DIS3L2: variants seen among roughly 807,000 people sequenced by gnomAD.
DIS3L2 encodes DIS3 like 3'-5' exoribonuclease 2, also known as DIS3-like exonuclease 2.
DIS3L2 carries 34 observed loss-of-function variants against 97.5 expected under a neutral mutation model. The observed-to-expected ratio is 0.35, with a 90% CI of 0.27 to 0.46. The LOEUF (loss-of-function observed/expected upper bound fraction) is 0.46. Among genes scored for constraint, DIS3L2 ranks in the 20% least tolerant of loss-of-function variants. The pLI, the probability that DIS3L2 is intolerant of heterozygous loss-of-function variation, is 1.00. For synonymous variants in DIS3L2, 435 were observed against 445.2 expected, an observed-to-expected ratio of 0.98 and a Z score of 0.29; for missense variants, 1,038 against 1,146.0, an observed-to-expected ratio of 0.91 and a Z score of 1.36.
intron 9 of DIS3L2, among the ~76,000 whole-genome samples, chr2:232,164,129 A>G (rs780473271): frequency 3.3e-5 from 5 of 152,180 alleles, no homozygotes; most frequent in African/African-American, 7.2e-5. Context: ...TACAGTGCCT[A>G]TCTTCTCATT....
intron 13 of DIS3L2, among the ~76,000 whole-genome samples, chr2:232,284,052 A>C (rs1197919213): frequency 1.3e-5 from 2 of 152,198 alleles, no homozygotes; most frequent in African/African-American, 4.8e-5. Context: ...TCTCAGAATA[A>C]AAAGTGGGTT....
intron 9 of DIS3L2, among the ~76,000 whole-genome samples, chr2:232,171,817 C>T (rs1229461091): frequency 6.6e-6 from 1 of 152,148 alleles, no homozygotes; most frequent in Non-Finnish European, 1.5e-5. Flanking sequence ...GTATTTAGTA[C>T]TTCATCAGCC....
rs1427894233 is a variant in DIS3L2, at chr2:232,175,451, G to C, written c.1124+11819G>C. ...TAGGATCTTTGCTTCGTATTTTTAAGAGATTTCAGTCTTTAGTTTTCTTGT... is the reference window on the plus strand; with the variant it reads ...TAGGATCTTTGCTTCGTATTTTTAACAGATTTCAGTCTTTAGTTTTCTTGT... On this transcript the variant is annotated intron_variant, in intron 9 of 20. Transcript: ENST00000325385. Among the ~76,000 whole-genome samples the C allele has an allele frequency of 2.0e-5, 3 of 152,100 alleles. No individual in the cohort carries two copies. In the East Asian group the frequency reaches 5.8e-4, roughly 29 times the overall value.
At chr2:232,082,336 A>G (rs1467137624) in intron 5 of DIS3L2, among the ~76,000 whole-genome samples, 2 of 152,202 alleles carry the variant, frequency 1.3e-5, no homozygotes, top group East Asian at 1.9e-4. Context: ...CCCCTGGGCC[A>G]TGGACTGGTA....
At chr2:232,238,305 T>C (rs1331957449) in intron 10 of DIS3L2, among the ~76,000 whole-genome samples, 1 of 152,180 alleles carries the variant, frequency 6.6e-6, no homozygotes, top group African/African-American at 2.4e-5. Flanking sequence ...TTAATCTTGT[T>C]TATTCACAAG....
intron 13 of DIS3L2, among the ~76,000 whole-genome samples, chr2:232,283,629 A>G (rs1244765537): frequency 6.6e-6 from 1 of 152,170 alleles, no homozygotes; most frequent in East Asian, 1.9e-4. Context: ...GTTGTTTTAT[A>G]TTCTTCTAAA....
intron 9 of DIS3L2, among the ~76,000 whole-genome samples, chr2:232,187,315 A>C (rs1048139815): frequency 2.0e-5 from 3 of 152,202 alleles, no homozygotes; most frequent in Non-Finnish European, 4.4e-5. Flanking sequence ...TGAGAATGTA[A>C]AATGGTGCAG....
At chr2:232,041,022 C>G (rs1574831800) in intron 5 of DIS3L2, among the ~76,000 whole-genome samples, 1 of 152,284 alleles carries the variant, frequency 6.6e-6, no homozygotes, top group East Asian at 1.9e-4. Flanking sequence ...AACAAGGTGA[C>G]TATCAGTTGA....
At chr2:232,146,329 G>T (rs1182247093) in intron 8 of DIS3L2, among the ~76,000 whole-genome samples, 4 of 152,146 alleles carry the variant, frequency 2.6e-5, no homozygotes, top group African/African-American at 7.2e-5. Flanking sequence ...GGAAAGGGAA[G>T]TTTGCTTCTC....
rs569921427 is a variant in DIS3L2, at chr2:232,304,655, A to G, written c.1739+4536A>G. 2.6e-5 allele frequency among the ~76,000 whole-genome samples: 4 copies of G among 152,174 alleles called. No homozygotes were observed. In the East Asian group the frequency reaches 7.8e-4, roughly 29 times the overall value. ...GGACTGTGGAGCTGCTTTGCAAGCTATTCTTCCTGCCGTTAGCTGGTTGGC... is the reference window on the plus strand; with the variant it reads ...GGACTGTGGAGCTGCTTTGCAAGCTGTTCTTCCTGCCGTTAGCTGGTTGGC... On this transcript the variant is annotated intron_variant, in intron 14 of 20. Transcript: ENST00000325385.
chr2:232,109,272 C>A (rs1697451666), intron 6 of DIS3L2, among the ~76,000 whole-genome samples: 1 of 151,928 alleles, frequency 6.6e-6, no homozygotes, highest in Non-Finnish European at 1.5e-5. Context: ...ATGGTGAAAC[C>A]CCATCTGTAT....
chr2:232,162,656 T>C (rs1054649691), intron 8 of DIS3L2, among the ~76,000 whole-genome samples: 2 of 152,214 alleles, frequency 1.3e-5, no homozygotes, highest in African/African-American at 4.8e-5. Flanking sequence ...ACAGAGGAGA[T>C]GGCCATTTTT....
rs745989142 is a variant in DIS3L2 at position 232,263,429 on chromosome 2, C to T, written c.1648C>T (p.Arg550Cys). The change falls in exon 13 of 21, where the codon CGT becomes TGT. Residue 550 changes from arginine to cysteine, a missense_variant. By Grantham distance (180) the Arg-to-Cys change is radical. Around this residue, in one of 3 missense-constraint regions of DIS3L2, gnomAD observed 813 missense variants for 880.1 expected, o/e 0.92. Transcript: ENST00000325385. ...GCAGCGCTTTGTGGACGGCGCACTTCGTTTGGATCAGGTCAGTACGTGTTT... is the reference window on the plus strand; with the variant it reads ...GCAGCGCTTTGTGGACGGCGCACTTTGTTTGGATCAGGTCAGTACGTGTTT... ...RQQRFVDGAL[R>C]LDQLKLAFTL... The T allele has an allele frequency of 2.1e-5, 34 of 1,614,054 alleles. No individual in the cohort carries two copies. The highest frequency in any genetic ancestry group is 2.2e-5 in the East Asian group (1 of 44,884).
At chr2:232,163,027 A>T (rs1559692012) in intron 8 of DIS3L2, among the ~76,000 whole-genome samples, 1 of 152,190 alleles carries the variant, frequency 6.6e-6, no homozygotes, top group African/African-American at 2.4e-5. Context: ...ATATTTTAAA[A>T]TTTTAAAGAT....
At chr2:232,010,962 T>G (rs922298586) in intron 1 of DIS3L2, among the ~76,000 whole-genome samples, 4 of 152,246 alleles carry the variant, frequency 2.6e-5, no homozygotes, top group African/African-American at 7.2e-5. Flanking sequence ...TGCTAGGTTT[T>G]GGGGAATACA....
At position 232,008,815 on chromosome 2, in the gene DIS3L2, A is replaced by C. The variant is rs765138884; in HGVS notation, c.-93-6020A>C. Among the ~76,000 whole-genome samples, 3 of 152,350 alleles carry C rather than the reference A, an allele frequency of 2.0e-5. No individual in the cohort carries two copies. The East Asian group carries it at 5.8e-4, about 29-fold the overall frequency. On this transcript the variant is annotated intron_variant, in intron 1 of 20. Coordinates refer to ENST00000325385, the MANE Select transcript of DIS3L2 (RefSeq NM_152383.5). ...AAGGGGAGAAGTGAGGTGAGGCTTA[A>C]CATAAGTCAGTGGTCAGACATCAAA...
intron 14 of DIS3L2, 28 bp from the exon 15 acceptor site, chr2:232,329,785 T>TGCCCGGGGGGCGCC: frequency 1.0e-6 from 1 of 967,144 alleles, no homozygotes; most frequent in Non-Finnish European, 1.5e-6. Context: ...ACCCCAGCGG[T>TGCCCGGGGGGCGCC]CCCTCCCATC....
intron 9 of DIS3L2, among the ~76,000 whole-genome samples, chr2:232,171,717 A>G (rs1306201685): frequency 1.3e-5 from 2 of 152,172 alleles, no homozygotes; most frequent in Non-Finnish European, 2.9e-5. Flanking sequence ...GTAAATCCCA[A>G]CTCACTGTGA....
intron 6 of DIS3L2, among the ~76,000 whole-genome samples, chr2:232,090,141 C>T (rs1696792949): frequency 6.6e-6 from 1 of 152,074 alleles, no homozygotes; most frequent in Non-Finnish European, 1.5e-5. Context: ...CCTGTTGTTG[C>T]CAGGGCTAGT....
Sources: allele counts gnomAD v4.1 joint callset (sites outside exome capture counted in the v4.1 genomes callset), GRCh38; gene constraint gnomAD v4.1.1; regional missense constraint gnomAD v4.1.1; transcripts MANE v1.5; gene names NCBI Gene and HGNC (gene_info 2026-07-23, HGNC 2026-07-21).